The following NXPH1 variants were observed in gnomAD, a reference collection of about 807,000 sequenced individuals.
NXPH1 encodes neurexophilin-1.
A neutral mutation model predicts 23.7 loss-of-function variants in NXPH1; 5 were observed. The ratio of observed to expected loss-of-function variants is 0.21; its 90% CI spans 0.11 to 0.44. NXPH1 has a LOEUF of 0.44. NXPH1 is among the 20% of genes least tolerant of loss of function. The probability of loss-of-function intolerance (pLI) is 0.99; values close to 1 mark genes in which losing one functional copy is unlikely to be tolerated. For synonymous variants in NXPH1, 144 were observed against 122.2 expected (o/e 1.18, Z -1.18); for missense variants, 324 against 321.6 (o/e 1.01, Z -0.06).
intron 2 of NXPH1, among the ~76,000 whole-genome samples, chr7:8,620,703 A>C (rs1238783616): frequency 6.6e-6 from 1 of 152,210 alleles, no homozygotes; most frequent in East Asian, 1.9e-4. Flanking sequence ...TACGCTTTAG[A>C]ATTATACGAA....
chr7:8,733,197 A>G (rs1780188735), intron 2 of NXPH1, among the ~76,000 whole-genome samples: 1 of 152,194 alleles, frequency 6.6e-6, no homozygotes, highest in South Asian at 2.1e-4. Context: ...GTCCCTGCAA[A>G]GGACATGAAC....
rs572402797 is a variant in NXPH1 at position 8,656,386 on chromosome 7, T to A, written c.55-94622T>A. On this transcript the variant is annotated intron_variant, in intron 2 of 2. Coordinates refer to ENST00000405863, the MANE Select transcript of NXPH1 (RefSeq NM_152745.3). Reference sequence around the variant, plus strand: ...TGAGTAAATTTATTTACTTGTCTCATTTTACTTCTATTAGACTGGGAGCAA... The same window carrying A: ...TGAGTAAATTTATTTACTTGTCTCAATTTACTTCTATTAGACTGGGAGCAA... 2.5e-3 allele frequency among the ~76,000 whole-genome samples: 381 copies of A among 152,290 alleles called. 4 individuals are homozygous for A. Among genetic ancestry groups the A allele is most frequent in the African/African-American group, 8.7e-3 (363 of 41,554 alleles).
intron 2 of NXPH1, among the ~76,000 whole-genome samples, chr7:8,621,490 C>CTTTTTTTTTTTTTTT (rs113473603): frequency 1.4e-5 from 2 of 140,254 alleles, no homozygotes; most frequent in East Asian, 2.4e-4. Flanking sequence ...GCTAGCCACT[C>CTTTTTTTTTTTTTTT]TTTTTTTTTT....
intron 2 of NXPH1, among the ~76,000 whole-genome samples, chr7:8,679,793 T>C (rs1821023337): frequency 6.6e-6 from 1 of 152,202 alleles, no homozygotes; most frequent in African/African-American, 2.4e-5. Flanking sequence ...GAGGCCAAGG[T>C]GGGCAGATCA....
chr7:8,743,916 C>A (rs188030870), intron 2 of NXPH1, among the ~76,000 whole-genome samples: 1 of 152,032 alleles, frequency 6.6e-6, no homozygotes, highest in East Asian at 1.9e-4. Context: ...TACCTCCCGA[C>A]CTTGTGATCC....
At chr7:8,583,999 G>A (rs919700972) in intron 2 of NXPH1, among the ~76,000 whole-genome samples, 6 of 152,200 alleles carry the variant, frequency 3.9e-5, no homozygotes, top group African/African-American at 1.4e-4. Flanking sequence ...GAGCCTGTCA[G>A]TTCTCCCAAA....
At chr7:8,713,850 C>A (rs918829829) in intron 2 of NXPH1, among the ~76,000 whole-genome samples, 1 of 152,176 alleles carries the variant, frequency 6.6e-6, no homozygotes, top group African/African-American at 2.4e-5. Flanking sequence ...CTGCCTGGAG[C>A]TTGGGAAGGG....
chr7:8,512,350 A>G (rs1212574921), intron 2 of NXPH1, among the ~76,000 whole-genome samples: 1 of 152,154 alleles, frequency 6.6e-6, no homozygotes, highest in East Asian at 1.9e-4. Context: ...ACATTTATGA[A>G]ATGTCCACTG....
chr7:8,728,246 A>G (rs1208346792), intron 2 of NXPH1, among the ~76,000 whole-genome samples: 1 of 152,160 alleles, frequency 6.6e-6, no homozygotes, highest in Admixed American at 6.5e-5. Context: ...GGGCTGAGAC[A>G]ATGGGGTTTC....
chr7:8,483,482 T>C (rs1273829432), intron 2 of NXPH1, among the ~76,000 whole-genome samples: 1 of 151,922 alleles, frequency 6.6e-6, no homozygotes, highest in Non-Finnish European at 1.5e-5. Flanking sequence ...CTAAATTTTG[T>C]ATTTTCTGTA....
chr7:8,627,062 A>G (rs541390199), intron 2 of NXPH1, among the ~76,000 whole-genome samples: 46 of 152,282 alleles, frequency 3.0e-4, no homozygotes, highest in Middle Eastern at 6.8e-3. Context: ...TAATTAGACA[A>G]TGATATTCTG....
chr7:8,624,093 C>A (rs1393348457), intron 2 of NXPH1, among the ~76,000 whole-genome samples: 5 of 152,048 alleles, frequency 3.3e-5, no homozygotes, highest in Admixed American at 2.6e-4. Flanking sequence ...AAAGGAGAAG[C>A]AGTGTGAGTG....
At chr7:8,552,417 A>C (rs544482772) in intron 2 of NXPH1, among the ~76,000 whole-genome samples, 3 of 151,452 alleles carry the variant, frequency 2.0e-5, no homozygotes, top group African/African-American at 7.2e-5. Context: ...GCTTCTTAGG[A>C]GAACATAATT....
intron 2 of NXPH1, among the ~76,000 whole-genome samples, chr7:8,600,431 C>T (rs60457812): frequency 6.6e-6 from 1 of 152,140 alleles, no homozygotes; most frequent in Non-Finnish European, 1.5e-5. Context: ...AGTGTCAGTT[C>T]CCAGGTATCA....
intron 2 of NXPH1, among the ~76,000 whole-genome samples, chr7:8,586,608 C>T (rs1251396030): frequency 1.3e-5 from 2 of 150,696 alleles, no homozygotes; most frequent in Non-Finnish European, 2.9e-5. Context: ...GAAGGAATGG[C>T]ATGTTAAGAG....
chr7:8,466,197 G>T (rs915311172), intron 2 of NXPH1, among the ~76,000 whole-genome samples: 1 of 152,182 alleles, frequency 6.6e-6, no homozygotes, highest in African/African-American at 2.4e-5. Flanking sequence ...CTGGGACCAT[G>T]ATATTATCAG....
chr7:8,474,384 CA>C (rs1230896987), intron 2 of NXPH1, among the ~76,000 whole-genome samples: 1 of 151,872 alleles, frequency 6.6e-6, no homozygotes, highest in Non-Finnish European at 1.5e-5. Context: ...TATATAGTAC[CA>C]AATTGGGAAA....
chr7:8,630,010 G>A (rs1820092959), intron 2 of NXPH1, among the ~76,000 whole-genome samples: 1 of 152,114 alleles, frequency 6.6e-6, no homozygotes, highest in African/African-American at 2.4e-5. Context: ...CAAGATGGGT[G>A]GATTGGTGAA....
intron 2 of NXPH1, among the ~76,000 whole-genome samples, chr7:8,602,104 A>G (rs1247317383): frequency 1.3e-5 from 2 of 152,246 alleles, no homozygotes; most frequent in Admixed American, 6.5e-5. Flanking sequence ...AACACCAGTC[A>G]TGTTCATTGT....
Sources: allele counts gnomAD v4.1 joint callset (sites outside exome capture counted in the v4.1 genomes callset), GRCh38; gene constraint gnomAD v4.1.1; transcripts MANE v1.5; gene names NCBI Gene and HGNC (gene_info 2026-07-23, HGNC 2026-07-21).